Variants in PPP2R2B observed in about 807,000 individuals in gnomAD.
The protein encoded by PPP2R2B is serine/threonine-protein phosphatase 2A 55 kDa regulatory subunit B beta isoform.
In PPP2R2B, 5 loss-of-function variants were observed where a neutral mutation model predicts 46.0. That is an observed-to-expected ratio of 0.11 (90% CI 0.06 to 0.23). The LOEUF is 0.23. PPP2R2B is among the 10% of genes least tolerant of loss of function. The pLI is 1.00. For missense variants in PPP2R2B, 367 were observed against 575.0 expected, an observed-to-expected ratio of 0.64 and a Z score of 3.70; for synonymous variants, 215 against 206.7, an observed-to-expected ratio of 1.04 and a Z score of -0.34.
chr5:147,081,457 T>C, upstream of PPP2R2B: 1 of 639,590 alleles, frequency 1.6e-6, no homozygotes, highest in Non-Finnish European at 2.7e-6. Flanking sequence ...CTTGCAGTCA[T>C]CCCCTGTGTG....
chr5:146,775,090 C>CA lies in PPP2R2B; in HGVS notation c.71-73949dup, dbSNP rs60946617. 4.6e-3 allele frequency among the ~76,000 whole-genome samples: 703 copies of CA among 152,052 alleles called. 4 individuals carry two copies. Among genetic ancestry groups the CA allele is most frequent in the African/African-American group, 0.016 (669 of 41,506 alleles). On this transcript the variant is annotated intron_variant, in intron 2 of 9. Transcript: ENST00000394411. ...AACACCAATCCTTCTCAAACTCTTT[C>CA]AAAAAAACGAAAACAAAAACACAGA...
chr5:146,712,167 G>C (rs1351543087), intron 2 of PPP2R2B, among the ~76,000 whole-genome samples: 1 of 152,084 alleles, frequency 6.6e-6, no homozygotes, highest in Non-Finnish European at 1.5e-5. Flanking sequence ...GTTTTTCAAG[G>C]GTCTTAGCAA....
intron 1 of PPP2R2B, among the ~76,000 whole-genome samples, chr5:146,972,362 C>T (rs999688910): frequency 2.0e-5 from 3 of 152,198 alleles, no homozygotes; most frequent in Admixed American, 6.5e-5. Context: ...TACTCTTTTT[C>T]CCTTTGCCAC....
chr5:146,664,991 C>A (rs912987634), intron 5 of PPP2R2B, among the ~76,000 whole-genome samples: 1 of 111,332 alleles, frequency 9.0e-6, no homozygotes, highest in Non-Finnish European at 1.8e-5. Flanking sequence ...ATACAGTAAA[C>A]CATGCTGTAA....
chr5:147,011,103 C>T (rs1447993013), intron 1 of PPP2R2B, among the ~76,000 whole-genome samples: 1 of 152,198 alleles, frequency 6.6e-6, no homozygotes. Context: ...CTTCAGCCCA[C>T]TCCAACCACT....
chr5:146,838,044 G>C (rs1759399835), intron 2 of PPP2R2B, among the ~76,000 whole-genome samples: 1 of 152,120 alleles, frequency 6.6e-6, no homozygotes, highest in African/African-American at 2.4e-5. Flanking sequence ...TCCTAACAGT[G>C]AGCCCCCTAT....
intron 7 of PPP2R2B, among the ~76,000 whole-genome samples, chr5:146,622,400 ATCCAAGGAGTTAAG>A (rs1773762694): frequency 6.6e-6 from 1 of 152,164 alleles, no homozygotes; most frequent in Non-Finnish European, 1.5e-5. Context: ...CAGAGGGTAA[ATCCAAGGAGTTAAG>A]TCCAAGTTAC....
At chr5:147,020,561 A>G (rs1401687976) in intron 1 of PPP2R2B, among the ~76,000 whole-genome samples, 2 of 152,154 alleles carry the variant, frequency 1.3e-5, no homozygotes, top group Non-Finnish European at 2.9e-5. Flanking sequence ...AGAGGAGGAG[A>G]CCAGGAGGGG....
intron 5 of PPP2R2B, among the ~76,000 whole-genome samples, chr5:146,658,762 T>G (rs1005058341): frequency 4.6e-5 from 7 of 152,180 alleles, no homozygotes. Context: ...ACTATGCAAT[T>G]CATAAACATT....
intron 2 of PPP2R2B, among the ~76,000 whole-genome samples, chr5:146,747,375 A>G (rs757521464): frequency 5.9e-5 from 9 of 152,214 alleles, no homozygotes; most frequent in African/African-American, 1.4e-4. Context: ...TGTTCAACCT[A>G]TAATTCCCAA....
intron 2 of PPP2R2B, among the ~76,000 whole-genome samples, chr5:146,841,795 T>C (rs529732828): frequency 1.3e-5 from 2 of 151,850 alleles, no homozygotes; most frequent in African/African-American, 4.8e-5. Context: ...GTTGGGGAGC[T>C]AGGGGAGGGA....
chr5:146,814,287 G>A (rs923600954), intron 2 of PPP2R2B, among the ~76,000 whole-genome samples: 1 of 150,658 alleles, frequency 6.6e-6, no homozygotes, highest in Non-Finnish European at 1.5e-5. Context: ...TTCTTCAAAC[G>A]CTGCTTTCTT....
chr5:146,926,418 G>A (rs908720566), intron 1 of PPP2R2B, among the ~76,000 whole-genome samples: 3 of 151,576 alleles, frequency 2.0e-5, no homozygotes, highest in East Asian at 1.9e-4. Flanking sequence ...TTTTCGAGAC[G>A]GAGTCTTGCT....
intron 1 of PPP2R2B, among the ~76,000 whole-genome samples, chr5:147,010,094 A>G (rs542849058): frequency 6.6e-6 from 1 of 152,274 alleles, no homozygotes; most frequent in African/African-American, 2.4e-5. Context: ...TGTCAGAAGG[A>G]ATTTCCAATT....
chr5:146,897,123 T>C (rs1329086062), intron 1 of PPP2R2B, among the ~76,000 whole-genome samples: 2 of 152,274 alleles, frequency 1.3e-5, no homozygotes, highest in South Asian at 2.1e-4. Context: ...AAGTGAACGA[T>C]GCATTTCATG....
intron 5 of PPP2R2B, among the ~76,000 whole-genome samples, chr5:146,651,640 C>A (rs1775967599): frequency 6.6e-6 from 1 of 151,986 alleles, no homozygotes; most frequent in African/African-American, 2.4e-5. Flanking sequence ...AAAAAAACAC[C>A]CAAGACAGAC....
At chr5:146,921,498 C>T (rs961620962) in intron 1 of PPP2R2B, among the ~76,000 whole-genome samples, 38 of 152,172 alleles carry the variant, frequency 2.5e-4, no homozygotes, top group African/African-American at 8.2e-4. Flanking sequence ...CAGCATTGCT[C>T]GTGTATCTTT....
At chr5:146,677,739 G>T (rs1441466079) in intron 5 of PPP2R2B, among the ~76,000 whole-genome samples, 4 of 151,936 alleles carry the variant, frequency 2.6e-5, no homozygotes. Context: ...TGTTGCCCAG[G>T]CTAGTCTTGA....
chr5:146,907,068 A>T (rs571149306), intron 1 of PPP2R2B, among the ~76,000 whole-genome samples: 1 of 152,318 alleles, frequency 6.6e-6, no homozygotes, highest in African/African-American at 2.4e-5. Context: ...TGGTGAGGAC[A>T]GAAGATAGCG....
Sources: allele counts gnomAD v4.1 joint callset (sites outside exome capture counted in the v4.1 genomes callset), GRCh38; gene constraint gnomAD v4.1.1; transcripts MANE v1.5; gene names NCBI Gene and HGNC (gene_info 2026-07-23, HGNC 2026-07-21).